Variants in CHERP observed in about 807,000 individuals in gnomAD.
CHERP encodes calcium homeostasis endoplasmic reticulum protein, also known as ERPROT 213-21.
Under a neutral mutation model 113.8 loss-of-function variants are expected in CHERP, and 8 were observed. The ratio of observed to expected loss-of-function variants is 0.07; its 90% CI spans 0.04 to 0.13. The LOEUF is 0.13. Among genes scored for constraint, CHERP ranks in the 10% least tolerant of loss-of-function variants. The pLI is 1.00. For missense variants in CHERP, 884 were observed against 1,298.2 expected (o/e 0.68, Z 4.90); for synonymous variants, 559 against 524.5 (o/e 1.07, Z -0.90).
At position 16,528,174 on chromosome 19, in the gene CHERP, C is replaced by A. The variant is rs2085669477; in HGVS notation, c.1211G>T (p.Gly404Val). 6.2e-7 allele frequency: 1 copy of A among 1,612,942 alleles called. No individual in the cohort carries two copies. The highest frequency in any genetic ancestry group is 1.3e-5 in the African/African-American group (1 of 74,876). Residue 404 changes from glycine to valine, a missense_variant, in exon 9 of 17, where the codon GGC (glycine) becomes GTC (valine). Coordinates refer to ENST00000546361, the MANE Select transcript of CHERP (RefSeq NM_006387.6). Reference protein sequence around the residue: ...PGGVQDPAAAGPRGPGPHDQI... With the variant: ...PGGVQDPAAAVPRGPGPHDQI... The stretch of plus-strand genomic sequence containing the variant: ...GTCGTGTGGCCCGGGGCCCCGGGGG[C>A]CGGCAGCTGCAGGATCCTGGACCCC...
rs1293535239 is a variant in CHERP, at chr19:16,520,919, G to A, written c.2115-7C>T. ...GTTCTGCTCCCAGCCTTCACTGTAA[G>A]ACACGGCATTCCGTGTGTGACCACG... On this transcript the variant is annotated splice_polypyrimidine_tract_variant and splice_region_variant and intron_variant, in intron 12 of 16. Coordinates refer to ENST00000546361, the MANE Select transcript of CHERP (RefSeq NM_006387.6). The surrounding 1 kb of genome is among the most constrained non-coding windows in gnomAD (Gnocchi z 4.0). The A allele has an allele frequency of 6.2e-7, 1 of 1,613,192 alleles. No homozygotes were observed.
rs2303118 is a variant in CHERP at position 16,520,670 on chromosome 19, C to G, written c.2201+156G>C. 3 of 1,125,142 alleles carry G rather than the reference C, an allele frequency of 2.7e-6. No individual in the cohort carries two copies. Among genetic ancestry groups the G allele is most frequent in the African/African-American group, 1.5e-5 (1 of 64,554 alleles). 69.7% of individuals were successfully genotyped at this position (1,125,142 alleles called of 1,614,324 possible). A position where few individuals can be genotyped will look rare whatever the true frequency, so the allele number is the denominator to read the frequency against. On this transcript the variant is annotated intron_variant, in intron 13 of 16. Transcript: ENST00000546361. The surrounding 1 kb of genome is among the most constrained non-coding windows in gnomAD (Gnocchi z 4.0). Reference sequence around the variant, plus strand: ...CAAGTTCCTAAATAGTGTGGCCGAGCCTGCTGCTGTGTGAATTCAGGCCTT... The same window carrying G: ...CAAGTTCCTAAATAGTGTGGCCGAGGCTGCTGCTGTGTGAATTCAGGCCTT...
At chr19:16,542,160 G>C in intron 1 of CHERP, 117 bp from the exon 2 acceptor site, 2 of 1,258,856 alleles carry the variant, frequency 1.6e-6, no homozygotes. Flanking sequence ...GGGCCCCGAA[G>C]AGGCCGCCCT....
chr19:16,533,175 G>C, intron 3 of CHERP, 27 bp from the exon 4 acceptor site: 2 of 1,565,770 alleles, frequency 1.3e-6, no homozygotes, highest in Non-Finnish European at 8.6e-7. Flanking sequence ...GTGGGGTCGA[G>C]AACACATGAG....
Position 16,535,659 on chromosome 19 carries a change from G to GC in CHERP, c.200-24dup. On this transcript the variant is annotated intron_variant, in intron 2 of 16. Transcript: ENST00000546361. This position sits in a 1 kb window ranked among gnomAD's most constrained non-coding sequence, Gnocchi z 4.3. ...TGACTGGAGGGAGAGGAGGAGGGGT[G>GC]CCCCATGAGAATGCAGATGGGGGTC... 6.8e-7 allele frequency: 1 copy of GC among 1,478,296 alleles called. No homozygotes were observed. Among genetic ancestry groups the GC allele is most frequent in the Non-Finnish European group, 9.0e-7 (1 of 1,116,806 alleles). 91.6% of individuals were successfully genotyped at this position (1,478,296 alleles called of 1,614,324 possible).
intron 10 of CHERP, among the ~76,000 whole-genome samples, chr19:16,524,244 C>CA (rs201918193): frequency 0.052 from 7,862 of 151,410 alleles, 287 homozygotes; most frequent in South Asian, 0.065. Flanking sequence ...GGCTCAGTCT[C>CA]AAAAAAACAA....
chr19:16,522,955 C>T (rs560902781), intron 11 of CHERP, 97 bp downstream of exon 11: 26 of 1,391,850 alleles, frequency 1.9e-5, no homozygotes, highest in East Asian at 2.7e-5. Context: ...AGGGGAGCCC[C>T]GGAAGGCACC....
At chr19:16,536,515 G>C (rs1195949321) in intron 2 of CHERP, among the ~76,000 whole-genome samples, 1 of 152,250 alleles carries the variant, frequency 6.6e-6, no homozygotes, top group East Asian at 1.9e-4. Flanking sequence ...CAGGTGGAAG[G>C]TGTCGCCCCT....
chr19:16,528,825 C>T (rs931154485), intron 8 of CHERP, among the ~76,000 whole-genome samples: 4 of 152,140 alleles, frequency 2.6e-5, no homozygotes, highest in Admixed American at 6.5e-5. Flanking sequence ...TGGTTGCGTG[C>T]GCCTGTAGTC....
intron 3 of CHERP, among the ~76,000 whole-genome samples, chr19:16,535,000 C>T (rs559279435): frequency 6.6e-6 from 1 of 151,938 alleles, no homozygotes; most frequent in African/African-American, 2.4e-5. Context: ...CGTTTGAACT[C>T]GGGAGGTAGG....
At chr19:16,529,269 T>C (rs112499310) in intron 8 of CHERP, among the ~76,000 whole-genome samples, 12,626 of 152,234 alleles carry the variant, frequency 0.083, 602 homozygotes, top group Admixed American at 0.11. Flanking sequence ...CTGCCCATCT[T>C]GGCCTCCCAA....
intron 5 of CHERP, among the ~76,000 whole-genome samples, chr19:16,531,501 CT>C (rs1260009907): frequency 6.6e-6 from 1 of 152,202 alleles, no homozygotes; most frequent in Non-Finnish European, 1.5e-5. Flanking sequence ...ATGGCTGCCC[CT>C]GGGGAGGGAC....
At position 16,535,706 on chromosome 19, in the gene CHERP, C is replaced by T; in HGVS notation, c.200-70G>A. ...GGTCTAGGTGTCCCCTTGGCCACCTCTCAGCCACAGGGGCCTCCCCCTCCC... is the reference window on the plus strand; with the variant it reads ...GGTCTAGGTGTCCCCTTGGCCACCTTTCAGCCACAGGGGCCTCCCCCTCCC... On this transcript the variant is annotated intron_variant, in intron 2 of 16. Transcript: ENST00000546361. The surrounding 1 kb of genome is among the most constrained non-coding windows in gnomAD (Gnocchi z 4.3). The T allele has an allele frequency of 7.2e-7, 1 of 1,383,414 alleles. No homozygotes were observed. The highest frequency in any genetic ancestry group is 9.5e-7 in the Non-Finnish European group (1 of 1,048,652). 85.7% of individuals were successfully genotyped at this position (1,383,414 alleles called of 1,614,324 possible).
intron 10 of CHERP, among the ~76,000 whole-genome samples, chr19:16,524,594 C>T (rs1408789127): frequency 6.7e-6 from 1 of 149,736 alleles, no homozygotes; most frequent in Non-Finnish European, 1.5e-5. Context: ...GAAATAAAAT[C>T]AATAACAAAG....
In CHERP at chr19:16,520,395, A is replaced by G; in HGVS notation, c.2314T>C (p.Cys772Arg). The stretch of plus-strand genomic sequence containing the variant: ...CTGGAGCGGGAGTAGGAACGGGAGC[A>G]GGAGCGCGACCTTGACCTTGAGTAC... ...GSYSRSRSRS[C>R]SRSYSRSRSR... The change falls in exon 14 of 17, where the codon TGC becomes CGC. Residue 772 changes from cysteine (C) to arginine (R), a missense_variant. Transcript: ENST00000546361. This position sits in a 1 kb window ranked among gnomAD's most constrained non-coding sequence, Gnocchi z 4.0. 1.2e-6 allele frequency: 2 copies of G among 1,614,102 alleles called. No homozygotes were observed. Among genetic ancestry groups the G allele is most frequent in the Non-Finnish European group, 1.7e-6 (2 of 1,179,982 alleles).
intron 9 of CHERP, among the ~76,000 whole-genome samples, chr19:16,527,471 C>T (rs1189634487): frequency 5.3e-5 from 8 of 152,210 alleles, no homozygotes; most frequent in African/African-American, 1.7e-4. Flanking sequence ...GGCCACGCTG[C>T]GAAGCCAACC....
rs527898933 is a variant in CHERP, at chr19:16,532,124, G to A, written c.674+474C>T. On this transcript the variant is annotated intron_variant, in intron 5 of 16. Transcript: ENST00000546361. The surrounding 1 kb of genome is among the most constrained non-coding windows in gnomAD (Gnocchi z 4.4). ...GGCAGATGTGGCTCTGTTGAAGCCT[G>A]AGAGATGGGTCAGGGCTGGAGAAGG... The A allele has an allele frequency of 1.3e-4, 21 of 156,514 alleles. No individual in the cohort carries two copies. The highest frequency in any genetic ancestry group is 2.4e-4 in the Non-Finnish European group (17 of 70,640). 9.7% of individuals were successfully genotyped at this position (156,514 alleles called of 1,614,324 possible).
chr19:16,530,576 G>T lies in CHERP; in HGVS notation c.876+9C>A. 6.2e-7 allele frequency: 1 copy of T among 1,613,102 alleles called. No individual in the cohort carries two copies. The highest frequency in any genetic ancestry group is 8.5e-7 in the Non-Finnish European group (1 of 1,179,174). The stretch of plus-strand genomic sequence containing the variant: ...CTAGGGTGAGGTGTGGGTGGGCAGG[G>T]ACACTCACCTGGTACTGACCAAGCC... On this transcript the variant is annotated intron_variant, in intron 7 of 16. Coordinates refer to ENST00000546361, the MANE Select transcript of CHERP (RefSeq NM_006387.6). This position sits in a 1 kb window ranked among gnomAD's most constrained non-coding sequence, Gnocchi z 4.1.
intron 11 of CHERP, among the ~76,000 whole-genome samples, chr19:16,522,445 G>C (rs1375478012): frequency 6.6e-6 from 1 of 152,158 alleles, no homozygotes; most frequent in African/African-American, 2.4e-5. Context: ...TTTTTTAATA[G>C]AGACGGGGTT....
Sources: gnomAD v4.1 joint callset for allele counts (sites outside exome capture counted in the v4.1 genomes callset) on GRCh38, gnomAD v4.1.1 for gene constraint, Gnocchi (gnomAD v3.1) non-coding constraint, MANE v1.5 for transcripts, NCBI Gene and HGNC (gene_info 2026-07-23, HGNC 2026-07-21) for gene names.